Variants in LHFPL4 observed in about 807,000 individuals in gnomAD.
LHFPL4 encodes the protein LHFPL tetraspan subfamily member 4.
In LHFPL4, 6 loss-of-function variants were observed where a neutral mutation model predicts 20.0. The ratio of observed to expected loss-of-function variants is 0.30; its 90% CI spans 0.16 to 0.59. LHFPL4 has a LOEUF of 0.59. Ranked by LOEUF, LHFPL4 falls within the 20% of genes least tolerant of loss-of-function variation. LHFPL4 has a pLI of 0.88. For missense variants in LHFPL4, 215 were observed against 331.2 expected, an observed-to-expected ratio of 0.65 and a Z score of 2.72; for synonymous variants, 129 against 143.8, an observed-to-expected ratio of 0.90 and a Z score of 0.74.
chr3:9,536,060 G>A (rs1320860568), intron 2 of LHFPL4, among the ~76,000 whole-genome samples: 5 of 152,196 alleles, frequency 3.3e-5, no homozygotes, highest in Non-Finnish European at 7.3e-5. Context: ...CTCACCCAAA[G>A]TGCTGGGATT....
chr3:9,509,946 T>C (rs1401020308), intron 2 of LHFPL4, among the ~76,000 whole-genome samples: 3 of 152,258 alleles, frequency 2.0e-5, no homozygotes, highest in Non-Finnish European at 1.5e-5. Flanking sequence ...TCGAGTCTCT[T>C]TTGGAATAAT....
intron 2 of LHFPL4, among the ~76,000 whole-genome samples, chr3:9,551,737 C>T (rs1261109723): frequency 6.6e-6 from 1 of 152,132 alleles, no homozygotes; most frequent in African/African-American, 2.4e-5. Flanking sequence ...CCCCTTATCA[C>T]AGCATTTTAA....
rs2046197723 is a variant in LHFPL4, at chr3:9,503,981, G to GCAC, written c.644-1673_644-1671dup. Among the ~76,000 whole-genome samples, 6 of 152,252 alleles carry GCAC rather than the reference G, an allele frequency of 3.9e-5. No individual in the cohort carries two copies. In the South Asian group the frequency reaches 1.2e-3, roughly 32 times the overall value. On this transcript the variant is annotated intron_variant, in intron 3 of 3. Coordinates refer to ENST00000287585, the MANE Select transcript of LHFPL4 (RefSeq NM_198560.3). ...TTTGAGGCTGCAGTGAGCTATGATTGCACCACTGCACTCCAGCCTGAGCAG... is the reference window on the plus strand; with the variant it reads ...TTTGAGGCTGCAGTGAGCTATGATTGCACCACCACTGCACTCCAGCCTGAGCAG...
chr3:9,510,217 G>A (rs1217847265), intron 2 of LHFPL4, among the ~76,000 whole-genome samples: 3 of 152,050 alleles, frequency 2.0e-5, no homozygotes, highest in South Asian at 2.1e-4. Flanking sequence ...TTGGGAGGCC[G>A]AGGTGGGAGG....
chr3:9,531,270 A>G (rs1043348477), intron 2 of LHFPL4, among the ~76,000 whole-genome samples: 5 of 152,366 alleles, frequency 3.3e-5, no homozygotes, highest in Non-Finnish European at 7.3e-5. Flanking sequence ...CACGTGCTGC[A>G]GGGAAAATAG....
At chr3:9,523,702 A>G (rs1195170748) in intron 2 of LHFPL4, among the ~76,000 whole-genome samples, 1 of 151,966 alleles carries the variant, frequency 6.6e-6, no homozygotes, top group Non-Finnish European at 1.5e-5. Flanking sequence ...CGAACTCCTG[A>G]CCTCAGGTAA....
intron 2 of LHFPL4, among the ~76,000 whole-genome samples, chr3:9,535,651 G>C (rs890577331): frequency 1.3e-5 from 2 of 152,174 alleles, no homozygotes; most frequent in Admixed American, 6.6e-5. Context: ...AGCTGTTTGT[G>C]TCCGCTGACA....
chr3:9,525,681 C>T (rs959439431), intron 2 of LHFPL4, among the ~76,000 whole-genome samples: 20 of 152,018 alleles, frequency 1.3e-4, no homozygotes, highest in African/African-American at 4.6e-4. Flanking sequence ...ACTTTAAGGA[C>T]TGAAAGAGCA....
At chr3:9,503,481 A>G (rs369370834) in intron 3 of LHFPL4, among the ~76,000 whole-genome samples, 1 of 152,200 alleles carries the variant, frequency 6.6e-6, no homozygotes, top group African/African-American at 2.4e-5. Flanking sequence ...CTCTGAGTAC[A>G]GGTTAGCAGA....
At chr3:9,549,191 C>T (rs555397463) in intron 2 of LHFPL4, among the ~76,000 whole-genome samples, 29 of 152,258 alleles carry the variant, frequency 1.9e-4, no homozygotes, top group African/African-American at 6.7e-4. Context: ...CGTAACTAGA[C>T]AGTATGCTCC....
At chr3:9,505,448 TTTTG>T (rs1181847509) in intron 3 of LHFPL4, among the ~76,000 whole-genome samples, 1 of 151,516 alleles carries the variant, frequency 6.6e-6, no homozygotes, top group Non-Finnish European at 1.5e-5. Flanking sequence ...TTTTGTTTTT[TTTTG>T]TTTTTTTGTT....
intron 2 of LHFPL4, among the ~76,000 whole-genome samples, chr3:9,527,809 A>AACACACAC (rs58489008): frequency 0.022 from 3,094 of 143,168 alleles, 92 homozygotes; most frequent in African/African-American, 0.056. Context: ...TTCAAATACA[A>AACACACAC]ACACACACAC....
intron 2 of LHFPL4, among the ~76,000 whole-genome samples, chr3:9,543,013 T>A (rs550158361): frequency 1.3e-5 from 2 of 152,258 alleles, no homozygotes; most frequent in Admixed American, 1.3e-4. Context: ...GTTGTGGTCA[T>A]GGTTGCATAA....
At chr3:9,549,282 C>CT (rs2046537232) in intron 2 of LHFPL4, among the ~76,000 whole-genome samples, 1 of 152,026 alleles carries the variant, frequency 6.6e-6, no homozygotes, top group African/African-American at 2.4e-5. Context: ...TATTACAGGA[C>CT]TAAGCATAGG....
chr3:9,533,181 C>A (rs959390608), intron 2 of LHFPL4, among the ~76,000 whole-genome samples: 1 of 152,208 alleles, frequency 6.6e-6, no homozygotes, highest in African/African-American at 2.4e-5. Flanking sequence ...ACCCACTGAA[C>A]CATCCCCTAG....
intron 2 of LHFPL4, among the ~76,000 whole-genome samples, chr3:9,537,991 A>C (rs538149288): frequency 6.2e-4 from 94 of 152,206 alleles, no homozygotes; most frequent in Non-Finnish European, 1.3e-3. Context: ...CCTCCACCCT[A>C]GGTCTGATCT....
At chr3:9,535,010 TAATG>T (rs2046436428) in intron 2 of LHFPL4, among the ~76,000 whole-genome samples, 1 of 151,430 alleles carries the variant, frequency 6.6e-6, no homozygotes, top group South Asian at 2.1e-4. Context: ...GGAGGAGAAA[TAATG>T]AAGGAAGGGA....
chr3:9,537,909 C>T (rs2046453262), intron 2 of LHFPL4, among the ~76,000 whole-genome samples: 1 of 152,142 alleles, frequency 6.6e-6, no homozygotes. Flanking sequence ...CTCAGTAACA[C>T]TCATTGGACC....
rs2046164283 is a variant in LHFPL4 at position 9,500,560 on chromosome 3, C to G, written c.*1651G>C. 6.6e-6 allele frequency: 1 copy of G among 152,260 alleles called. No homozygotes were observed. The highest frequency in any genetic ancestry group is 6.5e-5 in the Admixed American group (1 of 15,284). The allele number at this position is 152,260 out of a possible 1,614,324, so 9.4% of individuals were successfully genotyped here. ...GACTTCTAGGGTCTTTCTTGGAAAC[C>G]CTAACTCTCAGGTCCAAGTCCTGTG... On this transcript the variant is annotated 3_prime_UTR_variant, in exon 4 of 4. Coordinates refer to ENST00000287585, the MANE Select transcript of LHFPL4 (RefSeq NM_198560.3).
Sources: gnomAD v4.1 joint callset for allele counts (sites outside exome capture counted in the v4.1 genomes callset) on GRCh38, gnomAD v4.1.1 for gene constraint, MANE v1.5 for transcripts, NCBI Gene and HGNC (gene_info 2026-07-23, HGNC 2026-07-21) for gene names.